The following FA2H variants were observed in gnomAD, a reference collection of about 807,000 sequenced individuals.
FA2H encodes fatty acid 2-hydroxylase, also known as fatty acid alpha-hydroxylase.
In FA2H, 22 loss-of-function variants were observed where a neutral mutation model predicts 44.9. The observed-to-expected ratio is 0.49, with a 90% CI of 0.35 to 0.70. The LOEUF (loss-of-function observed/expected upper bound fraction) is 0.70, where lower values mean the gene tolerates loss of function less well. Ranked by LOEUF, FA2H falls within the 30% of genes least tolerant of loss-of-function variation. The pLI is 0.01. For synonymous variants in FA2H, 243 were observed against 213.2 expected (o/e 1.14, Z -1.22); for missense variants, 501 against 504.9 (o/e 0.99, Z 0.07).
At chr16:74,732,139 C>T (rs1168019427) in intron 2 of FA2H, among the ~76,000 whole-genome samples, 1 of 152,226 alleles carries the variant, frequency 6.6e-6, no homozygotes, top group Non-Finnish European at 1.5e-5. Context: ...CCGCCTCAGC[C>T]TCCCAAAGTG....
intron 1 of FA2H, among the ~76,000 whole-genome samples, chr16:74,750,790 T>TGTGTGTGTGTGTGTGTGC (rs1555540831): frequency 3.1e-4 from 47 of 151,486 alleles, no homozygotes; most frequent in African/African-American, 1.1e-3. Flanking sequence ...TGTGTGTGTG[T>TGTGTGTGTGTGTGTGTGC]TTAAGAGACA....
intron 1 of FA2H, among the ~76,000 whole-genome samples, chr16:74,759,062 C>A (rs539203642): frequency 6.6e-6 from 1 of 152,360 alleles, no homozygotes; most frequent in South Asian, 2.1e-4. Flanking sequence ...CTGGCAGGTT[C>A]TCCCTTAACA....
intron 1 of FA2H, among the ~76,000 whole-genome samples, chr16:74,756,218 T>C (rs1025882729): frequency 6.6e-6 from 1 of 152,200 alleles, no homozygotes; most frequent in Non-Finnish European, 1.5e-5. Flanking sequence ...AACCACAGGC[T>C]GTGAACACAA....
chr16:74,728,639 T>C (rs1197226985), intron 2 of FA2H, among the ~76,000 whole-genome samples: 2 of 152,144 alleles, frequency 1.3e-5, no homozygotes, highest in African/African-American at 4.8e-5. Flanking sequence ...TCTCCAGGCC[T>C]GTTGTCTCCA....
chr16:74,764,097 G>A (rs760866803), intron 1 of FA2H, among the ~76,000 whole-genome samples: 13 of 152,110 alleles, frequency 8.5e-5, no homozygotes, highest in Non-Finnish European at 1.3e-4. Flanking sequence ...TGTTGTTCTC[G>A]AATTTTGTTG....
At chr16:74,736,060 G>C (rs973989285) in intron 2 of FA2H, among the ~76,000 whole-genome samples, 2 of 92,462 alleles carry the variant, frequency 2.2e-5, no homozygotes, top group Admixed American at 2.2e-4. Context: ...CTCCCAGCCT[G>C]CCCTGTCCAC....
At chr16:74,733,783 C>A (rs1361069599) in intron 2 of FA2H, among the ~76,000 whole-genome samples, 1 of 152,214 alleles carries the variant, frequency 6.6e-6, no homozygotes, top group African/African-American at 2.4e-5. Flanking sequence ...TAGCTCATTG[C>A]CATGGGGGTG....
intron 1 of FA2H, among the ~76,000 whole-genome samples, chr16:74,760,478 C>T (rs138277065): frequency 6.6e-6 from 1 of 152,196 alleles, no homozygotes; most frequent in Non-Finnish European, 1.5e-5. Context: ...TACACTCTGA[C>T]CCACACTCCC....
intron 1 of FA2H, among the ~76,000 whole-genome samples, chr16:74,770,620 C>T (rs1389053931): frequency 6.6e-6 from 1 of 152,210 alleles, no homozygotes; most frequent in African/African-American, 2.4e-5. Flanking sequence ...ATCCACCCAC[C>T]TTGGCCTCCC....
At chr16:74,739,065 C>T (rs180910747) in intron 2 of FA2H, among the ~76,000 whole-genome samples, 5 of 152,350 alleles carry the variant, frequency 3.3e-5, no homozygotes, top group South Asian at 4.1e-4. Context: ...AGCAGACAGT[C>T]AGCTTTGTGG....
chr16:74,713,987 C>T lies in FA2H; in HGVS notation c.*203G>A. 1 of 576,996 alleles carries T rather than the reference C, an allele frequency of 1.7e-6. No homozygotes were observed. Among genetic ancestry groups the T allele is most frequent in the Admixed American group, 3.0e-5 (1 of 33,568 alleles). The allele number at this position is 576,996 out of a possible 1,614,324, so 35.7% of individuals were successfully genotyped here. On this transcript the variant is annotated 3_prime_UTR_variant, in exon 7 of 7. Coordinates refer to ENST00000219368, the MANE Select transcript of FA2H (RefSeq NM_024306.5). ...TGGGTCACCAAGGGCCACCTGGCCACCAAGTGGATGTGACCCTCCTACCAG... is the reference window on the plus strand; with the variant it reads ...TGGGTCACCAAGGGCCACCTGGCCATCAAGTGGATGTGACCCTCCTACCAG...
chr16:74,726,644 C>T (rs1961963787), intron 3 of FA2H, among the ~76,000 whole-genome samples: 1 of 152,222 alleles, frequency 6.6e-6, no homozygotes, highest in South Asian at 2.1e-4. Context: ...ACCTTGGCCT[C>T]CCAAAGTGTT....
intron 2 of FA2H, among the ~76,000 whole-genome samples, chr16:74,729,067 G>A (rs1240443017): frequency 4.3e-5 from 6 of 138,170 alleles, no homozygotes; most frequent in Non-Finnish European, 4.6e-5. Context: ...CTGGAGTGCA[G>A]TGGCACGATC....
chr16:74,741,980 C>T (rs1329507712), intron 1 of FA2H, among the ~76,000 whole-genome samples: 2 of 151,492 alleles, frequency 1.3e-5, no homozygotes, highest in East Asian at 1.9e-4. Context: ...TCCCTCTTCC[C>T]GTGACAGCAG....
At chr16:74,746,374 TATTA>T (rs753496940) in intron 1 of FA2H, among the ~76,000 whole-genome samples, 20 of 102,772 alleles carry the variant, frequency 1.9e-4, no homozygotes, top group African/African-American at 3.2e-4. Flanking sequence ...TTATTATTAT[TATTA>T]TTTTTTTTTT....
At chr16:74,767,214 CAGG>C (rs1243941335) in intron 1 of FA2H, among the ~76,000 whole-genome samples, 1 of 151,940 alleles carries the variant, frequency 6.6e-6, no homozygotes, top group Admixed American at 6.6e-5. Flanking sequence ...GAGGCCGAGG[CAGG>C]AGAATTGCTT....
intron 1 of FA2H, among the ~76,000 whole-genome samples, chr16:74,744,385 G>T (rs548817531): frequency 6.6e-6 from 1 of 151,482 alleles, no homozygotes; most frequent in Admixed American, 6.6e-5. Context: ...AAACCAAAAA[G>T]TGCCTCAAAT....
intron 1 of FA2H, among the ~76,000 whole-genome samples, chr16:74,754,754 C>G (rs1280746693): frequency 2.0e-5 from 3 of 152,096 alleles, no homozygotes; most frequent in Non-Finnish European, 4.4e-5. Context: ...TCTCAAACTT[C>G]TGGGCTCAAG....
intron 1 of FA2H, among the ~76,000 whole-genome samples, chr16:74,749,649 G>C (rs1288561326): frequency 6.6e-6 from 1 of 152,152 alleles, no homozygotes; most frequent in Non-Finnish European, 1.5e-5. Flanking sequence ...AGCACAGGTG[G>C]GCAGGCAACC....
Sources: gnomAD v4.1 joint callset for allele counts (sites outside exome capture counted in the v4.1 genomes callset) on GRCh38, gnomAD v4.1.1 for gene constraint, MANE v1.5 for transcripts, NCBI Gene and HGNC (gene_info 2026-07-23, HGNC 2026-07-21) for gene names.